Variants in GOLGB1 observed in about 807,000 individuals in gnomAD.
GOLGB1 encodes golgin B1.
In GOLGB1, 174 loss-of-function variants were observed where a neutral mutation model predicts 336.9. The observed-to-expected ratio is 0.52, with a 90% CI of 0.46 to 0.59. The LOEUF is 0.59. Ranked by LOEUF, GOLGB1 falls within the 20% of genes least tolerant of loss-of-function variation. GOLGB1 has a pLI of 0.00. For synonymous variants in GOLGB1, 1,208 were observed against 1,289.2 expected (o/e 0.94, Z 1.35); for missense variants, 3,331 against 3,645.3 (o/e 0.91, Z 2.22).
At chr3:121,710,613 G>A (rs1357628994) in intron 10 of GOLGB1, among the ~76,000 whole-genome samples, 1 of 151,984 alleles carries the variant, frequency 6.6e-6, no homozygotes, top group Admixed American at 6.6e-5. Flanking sequence ...CCAAGGGAGG[G>A]GGATTGCTTG....
At chr3:121,683,403 T>C (rs188306873) in intron 14 of GOLGB1, among the ~76,000 whole-genome samples, 1 of 152,018 alleles carries the variant, frequency 6.6e-6, no homozygotes. Flanking sequence ...CTACTGAGCT[T>C]GAAGAGTGCT....
At chr3:121,671,626 TCTTTC>T (rs1939549274) in intron 17 of GOLGB1, among the ~76,000 whole-genome samples, 1 of 152,362 alleles carries the variant, frequency 6.6e-6, no homozygotes, top group South Asian at 2.1e-4. Context: ...TAAGTATTTG[TCTTTC>T]CTTTACGCTA....
chr3:121,669,196 C>T lies in GOLGB1; in HGVS notation c.9321+16G>A, dbSNP rs765271274. The stretch of plus-strand genomic sequence containing the variant: ...TCATCACACTTCTCCCAGTCTCTCA[C>T]CTTCTCTTTACTCACCGCCTGCAGC... On this transcript the variant is annotated intron_variant, in intron 18 of 21. Transcript: ENST00000614479. 11 of 1,612,636 alleles carry T rather than the reference C, an allele frequency of 6.8e-6. No individual in the cohort carries two copies. The highest frequency in any genetic ancestry group is 3.3e-5 in the Admixed American group (2 of 59,932).
chr3:121,678,752 G>A (rs1940717495), intron 15 of GOLGB1, among the ~76,000 whole-genome samples: 1 of 152,016 alleles, frequency 6.6e-6, no homozygotes, highest in Non-Finnish European at 1.5e-5. Context: ...ATTTTTGGTA[G>A]AGATGGCCAG....
Position 121,695,386 on chromosome 3 carries a change from C to T in GOLGB1, c.5137G>A (p.Asp1713Asn), listed in dbSNP as rs759392269. Reference protein sequence around the residue: ...RLRAEVHPAGDTAKECMETLL... With the variant: ...RLRAEVHPAGNTAKECMETLL... ...GTTTCCATACACTCTTTAGCTGTAT[C>T]TCCTGCAGGGTGCACCTCTGCCCTA... Residue 1713 changes from aspartate (D) to asparagine (N), a missense_variant, in exon 13 of 22, where the codon GAT becomes AAT. Coordinates refer to ENST00000614479, the MANE Select transcript of GOLGB1 (RefSeq NM_001366282.2). The T allele has an allele frequency of 6.2e-7, 1 of 1,613,940 alleles. No individual in the cohort carries two copies. Among genetic ancestry groups the T allele is most frequent in the East Asian group, 2.2e-5 (1 of 44,882 alleles).
intron 15 of GOLGB1, among the ~76,000 whole-genome samples, chr3:121,680,962 G>A (rs1209566898): frequency 3.9e-5 from 6 of 152,176 alleles, no homozygotes. Flanking sequence ...TATTGTATGA[G>A]CTAGCATTTG....
intron 3 of GOLGB1, 61 bp downstream of exon 3, chr3:121,729,804 G>A: frequency 2.5e-6 from 3 of 1,218,738 alleles, no homozygotes; most frequent in South Asian, 1.3e-5. Context: ...AAATTAAAGT[G>A]AGTAGTGTAT....
chr3:121,677,338 A>C lies in GOLGB1; in HGVS notation c.8986T>G (p.Leu2996Val), dbSNP rs1230919452. ...TGAGTCTGGGAGGAAGAAGACCTCA[A>C]TTCCCTTATAAGATTCTGCAGATGA... is the stretch of plus-strand genomic sequence containing the variant. ...LSHLQNLIRE[L>V]RSSSSQTQPL... The change falls in exon 16 of 22, where the codon TTG (leucine) becomes GTG (valine). Residue 2996 changes from leucine to valine, a missense_variant. Transcript: ENST00000614479. The C allele has an allele frequency of 6.2e-7, 1 of 1,611,742 alleles. No individual in the cohort carries two copies. The highest frequency in any genetic ancestry group is 1.7e-5 in the Admixed American group (1 of 60,018).
intron 9 of GOLGB1, among the ~76,000 whole-genome samples, chr3:121,716,529 T>A (rs1215957374): frequency 6.6e-6 from 1 of 152,230 alleles, no homozygotes; most frequent in Non-Finnish European, 1.5e-5. Context: ...ATTTTTAGTA[T>A]TGTAATGATA....
chr3:121,697,936 A>C lies in GOLGB1; in HGVS notation c.2587T>G (p.Ser863Ala), dbSNP rs1943088048. 6.2e-7 allele frequency: 1 copy of C among 1,613,892 alleles called. No individual in the cohort carries two copies. Among genetic ancestry groups the C allele is most frequent in the African/African-American group, 1.3e-5 (1 of 74,864 alleles). ...TGGGACAGTTCTTCCACTTTACTTG[A>C]GATATGCCTTACACGTTCTGCCCCC... is the stretch of plus-strand genomic sequence containing the variant. ...LEGAERVRHISSKVEELSQAL... is the reference protein window; with the variant it reads ...LEGAERVRHIASKVEELSQAL... The change falls in exon 13 of 22, where the codon TCA (serine) becomes GCA (alanine). Residue 863 changes from serine to alanine, a missense_variant. Coordinates refer to ENST00000614479, the MANE Select transcript of GOLGB1 (RefSeq NM_001366282.2).
In GOLGB1 at chr3:121,741,294, T is replaced by C. The variant is rs537812219; in HGVS notation, c.-3+8338A>G. ...TGGTGAGCATTAAATATACGGTTAC[T>C]AACAGAATTAAGACTAAGTAAAGAC... is the stretch of plus-strand genomic sequence containing the variant. On this transcript the variant is annotated intron_variant, in intron 1 of 21. Transcript: ENST00000614479. Among the ~76,000 whole-genome samples, 4 of 152,180 alleles carry C rather than the reference T, an allele frequency of 2.6e-5. No individual in the cohort carries two copies. In the South Asian group the frequency reaches 8.3e-4, roughly 32 times the overall value.
rs756729591 is a variant in GOLGB1 at position 121,717,121 on chromosome 3, G to T, written c.904C>A (p.Gln302Lys). The part of the protein sequence containing the change: ...QRNQILSQQL[Q>K]QMEAEHNTLR... ...GTATTATGCTCAGCTTCCATCTGCT[G>T]TAACTGCTGAGAGAGAATCTAAGAA... is the stretch of plus-strand genomic sequence containing the variant. Residue 302 changes from glutamine to lysine, a missense_variant, in exon 9 of 22, where the codon CAG becomes AAG. Transcript: ENST00000614479. 1.7e-5 allele frequency: 27 copies of T among 1,607,860 alleles called. No homozygotes were observed. In the Admixed American group the frequency reaches 3.9e-4, roughly 23 times the overall value.
chr3:121,668,220 A>C (rs1938927163), intron 18 of GOLGB1, 62 bp from the exon 19 acceptor site: 1 of 935,306 alleles, frequency 1.1e-6, no homozygotes, highest in African/African-American at 1.7e-5. Context: ...GTATTTGAGC[A>C]AAATGAGAGC....
At position 121,727,320 on chromosome 3, in the gene GOLGB1, ATTTTTTTTTTTTT is replaced by A. The variant is rs869189384; in HGVS notation, c.403-292_403-280del. Among the ~76,000 whole-genome samples, 7 of 28,624 alleles carry A rather than the reference ATTTTTTTTTTTTT, an allele frequency of 2.4e-4. 1 individual carries two copies. Among genetic ancestry groups the A allele is most frequent in the Admixed American group, 7.2e-4 (1 of 1,382 alleles). 18.8% of individuals were successfully genotyped at this position (28,624 alleles called of 152,430 possible). A position where few individuals can be genotyped will look rare whatever the true frequency, so the allele number is the denominator to read the frequency against. On this transcript the variant is annotated intron_variant, in intron 4 of 21. Coordinates refer to ENST00000614479, the MANE Select transcript of GOLGB1 (RefSeq NM_001366282.2). ...TATATATATATATATATATATATAT[ATTTTTTTTTTTTT>A]TTTTTTTTTTTTTTTCCCTCACACC...
At chr3:121,674,524 T>A (rs1560174861) in intron 17 of GOLGB1, among the ~76,000 whole-genome samples, 2 of 152,230 alleles carry the variant, frequency 1.3e-5, no homozygotes, top group African/African-American at 4.8e-5. Context: ...GTTAGTTAAA[T>A]CTGTGAATGC....
Position 121,664,969 on chromosome 3 carries a change from T to G in GOLGB1, c.9617A>C (p.Glu3206Ala). 6.2e-7 allele frequency: 1 copy of G among 1,611,168 alleles called. No individual in the cohort carries two copies. Among genetic ancestry groups the G allele is most frequent in the African/African-American group, 1.3e-5 (1 of 74,948 alleles). ...TPIIGSCGTQ[E>A]QALLIDLTSN... is the part of the protein sequence containing the mutation. ...TGTAAGATCTATTAACAGTGCCTGC[T>G]CCTGAGTGCCACAGGAGCCAATGAT... Residue 3206 changes from glutamate (E) to alanine (A), a missense_variant, in exon 21 of 22, where the codon GAG (glutamate) becomes GCG (alanine). Glu to Ala is a moderately radical substitution (Grantham distance 107). Coordinates refer to ENST00000614479, the MANE Select transcript of GOLGB1 (RefSeq NM_001366282.2).
rs549630851 is a variant in GOLGB1 at position 121,678,178 on chromosome 3, C to T, written c.8874-728G>A. Among the ~76,000 whole-genome samples, 514 of 152,242 alleles carry T rather than the reference C, an allele frequency of 3.4e-3. 2 individuals are homozygous for T. The highest frequency in any genetic ancestry group is 5.2e-3 in the Non-Finnish European group (352 of 68,008). Reference sequence around the variant, plus strand: ...TATTATCTGGGGAAGCTGCCAACTCCATGCAATGAGCTTGATAAATGTTCA... The same window carrying T: ...TATTATCTGGGGAAGCTGCCAACTCTATGCAATGAGCTTGATAAATGTTCA... On this transcript the variant is annotated intron_variant, in intron 15 of 21. Transcript: ENST00000614479.
intron 10 of GOLGB1, among the ~76,000 whole-genome samples, chr3:121,711,118 T>C (rs1944329763): frequency 1.3e-5 from 2 of 151,328 alleles, no homozygotes. Context: ...CACTTGAACC[T>C]GGGAAATGGA....
intron 7 of GOLGB1, 55 bp from the exon 8 acceptor site, chr3:121,718,556 C>A: frequency 8.5e-7 from 1 of 1,180,620 alleles, no homozygotes; most frequent in Non-Finnish European, 1.3e-6. Context: ...CTTGTATTTG[C>A]TTATCTTTCA....
Sources: gnomAD v4.1 joint callset for allele counts (sites outside exome capture counted in the v4.1 genomes callset) on GRCh38, gnomAD v4.1.1 for gene constraint, MANE v1.5 for transcripts, NCBI Gene and HGNC (gene_info 2026-07-23, HGNC 2026-07-21) for gene names.